The following ARHGAP45 variants were observed in gnomAD, a reference collection of about 807,000 sequenced individuals.
ARHGAP45 encodes the protein rho GTPase-activating protein 45.
ARHGAP45 carries 56 observed loss-of-function variants against 116.1 expected under a neutral mutation model. The ratio of observed to expected loss-of-function variants is 0.48; its 90% CI spans 0.39 to 0.60. ARHGAP45 has a LOEUF of 0.60. Ranked by LOEUF, ARHGAP45 falls within the 20% of genes least tolerant of loss-of-function variation. The pLI, the probability that ARHGAP45 is intolerant of heterozygous loss-of-function variation, is 0.00. For missense variants in ARHGAP45, 1,622 were observed against 1,601.0 expected, an observed-to-expected ratio of 1.01 and a Z score of -0.22; for synonymous variants, 866 against 701.7, an observed-to-expected ratio of 1.23 and a Z score of -3.70.
chr19:1,074,050 G>T, intron 6 of ARHGAP45, 36 bp downstream of exon 6: 1 of 1,603,746 alleles, frequency 6.2e-7, no homozygotes. Context: ...GGCATTTGAG[G>T]GGTGGGCCAT....
At chr19:1,066,848 G>A (rs1056371394), upstream of ARHGAP45, among the ~76,000 whole-genome samples, 2 of 152,002 alleles carry the variant, frequency 1.3e-5, no homozygotes, top group African/African-American at 4.8e-5. Context: ...TTGCCTTCAG[G>A]GAAAAGGGGG....
chr19:1,073,901 C>A (rs767990417), intron 5 of ARHGAP45, 47 bp from the exon 6 acceptor site: 67 of 1,530,530 alleles, frequency 4.4e-5, no homozygotes, highest in Non-Finnish European at 5.2e-5. Context: ...TGGGCACTGC[C>A]CAGGGCCCCG....
chr19:1,074,199 A>G lies in ARHGAP45; in HGVS notation c.886A>G (p.Met296Val). 6.2e-7 allele frequency: 1 copy of G among 1,613,432 alleles called. No individual in the cohort carries two copies. Among genetic ancestry groups the G allele is most frequent in the South Asian group, 1.1e-5 (1 of 91,088 alleles). ...GTATGCCAAGAACATGGCCAAGTAC[A>G]TGAAGGACCTCATCAGCTACCTGGA... ...LLYAKNMAKY[M>V]KDLISYLEKR... The change falls in exon 7 of 23, where the codon ATG becomes GTG. Residue 296 changes from methionine (M) to valine (V), a missense_variant. Coordinates refer to ENST00000313093, the MANE Select transcript of ARHGAP45 (RefSeq NM_012292.5).
In ARHGAP45 at chr19:1,078,872, A is replaced by G. The variant is rs899280047; in HGVS notation, c.1374+827A>G. Among the ~76,000 whole-genome samples the G allele has an allele frequency of 4.8e-4, 73 of 150,856 alleles. 1 individual carries two copies. Among genetic ancestry groups the G allele is most frequent in the Non-Finnish European group, 9.0e-4 (61 of 67,750 alleles). ...GCTGGGACCACAGGCGTGTGCCGCC[A>G]CACCCAGCTAATTTAAAAAAATTCT... On this transcript the variant is annotated intron_variant, in intron 11 of 22. Coordinates refer to ENST00000313093, the MANE Select transcript of ARHGAP45 (RefSeq NM_012292.5).
rs199502722 is a variant in ARHGAP45, at chr19:1,074,436, G to A, written c.993+29G>A. ...GGGGCCCCGCGGGCACGGGGCGGGG[G>A]TCCCTGGGCCCGGGTGTGAGTCTCA... On this transcript the variant is annotated intron_variant, in intron 8 of 22. Coordinates refer to ENST00000313093, the MANE Select transcript of ARHGAP45 (RefSeq NM_012292.5). The A allele has an allele frequency of 2.7e-6, 4 of 1,492,692 alleles. No individual in the cohort carries two copies. In the East Asian group the frequency reaches 9.7e-5, roughly 36 times the overall value. 92.5% of individuals were successfully genotyped at this position (1,492,692 alleles called of 1,614,324 possible). A position where few individuals can be genotyped will look rare whatever the true frequency, so the allele number is the denominator to read the frequency against.
In ARHGAP45 at chr19:1,068,221, T is replaced by G. The variant is rs1318757276; in HGVS notation, c.91-193T>G. ...GGCAAGGACCGTTGTTTGTGAAAGC[T>G]CTAGGGAAGAGGATGTTGGGTAACA... On this transcript the variant is annotated intron_variant, in intron 1 of 22. Transcript: ENST00000313093. This position sits in a 1 kb window ranked among gnomAD's most constrained non-coding sequence, Gnocchi z 7.5. 11 of 578,350 alleles carry G rather than the reference T, an allele frequency of 1.9e-5. No homozygotes were observed. The highest frequency in any genetic ancestry group is 2.7e-5 in the Non-Finnish European group (9 of 336,230). 35.8% of individuals were successfully genotyped at this position (578,350 alleles called of 1,614,324 possible).
intron 7 of ARHGAP45, 29 bp downstream of exon 7, chr19:1,074,270 T>C: frequency 6.2e-7 from 1 of 1,612,002 alleles, no homozygotes; most frequent in Non-Finnish European, 8.5e-7. Context: ...GCAGGGTGGG[T>C]CTGGAGGGAG....
Position 1,086,123 on chromosome 19 carries a change from C to A in ARHGAP45, c.*117C>A. ...GCCGTCCTGGGGTCGCTGCCGAGAG[C>A]GCCTGGACTTCGACGTCCCACCAGC... On this transcript the variant is annotated 3_prime_UTR_variant, in exon 23 of 23. Transcript: ENST00000313093. 1 of 956,466 alleles carries A rather than the reference C, an allele frequency of 1.0e-6. No homozygotes were observed. The highest frequency in any genetic ancestry group is 1.5e-6 in the Non-Finnish European group (1 of 648,856). 59.2% of individuals were successfully genotyped at this position (956,466 alleles called of 1,614,324 possible).
chr19:1,082,107 G>A lies in ARHGAP45; in HGVS notation c.2517+146G>A. 2.4e-6 allele frequency: 2 copies of A among 831,364 alleles called. 1 individual carries two copies. 51.5% of individuals were successfully genotyped at this position (831,364 alleles called of 1,614,324 possible). A position where few individuals can be genotyped will look rare whatever the true frequency, so the allele number is the denominator to read the frequency against. Reference sequence around the variant, plus strand: ...GGGCCTGGGGAGGACAGGGTGGGCGGGACAGTGCCTGGCAGGGCAGGGCTG... The same window carrying A: ...GGGCCTGGGGAGGACAGGGTGGGCGAGACAGTGCCTGGCAGGGCAGGGCTG... On this transcript the variant is annotated intron_variant, in intron 19 of 22. Transcript: ENST00000313093.
In ARHGAP45 at chr19:1,081,586, C is replaced by G; in HGVS notation, c.2227C>G (p.Leu743Val). 3 of 1,509,096 alleles carry G rather than the reference C, an allele frequency of 2.0e-6. No individual in the cohort carries two copies. The highest frequency in any genetic ancestry group is 2.7e-6 in the Non-Finnish European group (3 of 1,127,042). 93.5% of individuals were successfully genotyped at this position (1,509,096 alleles called of 1,614,324 possible). The part of the protein sequence containing the change: ...LACHKKCLET[L>V]AIQCGHKKLQ... Reference sequence around the variant, plus strand: ...CTGCCACAAGAAATGTCTGGAGACGCTGGCCATACAGTGCGGGCACAAGAA... The same window carrying G: ...CTGCCACAAGAAATGTCTGGAGACGGTGGCCATACAGTGCGGGCACAAGAA... The change falls in exon 18 of 23, where the codon CTG becomes GTG. Residue 743 changes from leucine to valine, a missense_variant. By Grantham distance (32) the Leu-to-Val change is conservative. Around this residue, in one of 3 missense-constraint regions of ARHGAP45, gnomAD observed 1,334 missense variants for 1,263.8 expected, o/e 1.06. Transcript: ENST00000313093.
Position 1,067,483 on chromosome 19 carries a change from G to T in ARHGAP45, c.78G>T (p.Pro26=). ...SKKNRAGSPS[P]QPSGELPRKD... ...AGAACCGCGCGGGAAGCCCCAGCCC[G>T]CAGCCCTCGGGGGTGAGTGGAGCCC... Residue 26 remains proline, a synonymous_variant, in exon 1 of 23, where the codon CCG becomes CCT. Coordinates refer to ENST00000313093, the MANE Select transcript of ARHGAP45 (RefSeq NM_012292.5). 6.2e-7 allele frequency: 1 copy of T among 1,601,336 alleles called. No homozygotes were observed. The highest frequency in any genetic ancestry group is 8.5e-7 in the Non-Finnish European group (1 of 1,174,894).
chr19:1,071,923 G>C lies in ARHGAP45; in HGVS notation c.422-1226G>C, dbSNP rs1185693066. 6.6e-6 allele frequency among the ~76,000 whole-genome samples: 1 copy of C among 152,112 alleles called. No homozygotes were observed. The highest frequency in any genetic ancestry group is 2.4e-5 in the African/African-American group (1 of 41,408). ...CCTCCCGCTGGCCTCTGTCCTCCCGGGTACCTTTCCCCTCCTACGAATTCC... is the reference window on the plus strand; with the variant it reads ...CCTCCCGCTGGCCTCTGTCCTCCCGCGTACCTTTCCCCTCCTACGAATTCC... On this transcript the variant is annotated intron_variant, in intron 2 of 22. Coordinates refer to ENST00000313093, the MANE Select transcript of ARHGAP45 (RefSeq NM_012292.5). The surrounding 1 kb of genome is among the most constrained non-coding windows in gnomAD (Gnocchi z 4.6).
At position 1,085,726 on chromosome 19, in the gene ARHGAP45, CGG is replaced by C. The variant is rs1568491052; in HGVS notation, c.3132_3133del (p.Glu1045GlyfsTer30). 1 of 1,610,676 alleles carries C rather than the reference CGG, an allele frequency of 6.2e-7. No individual in the cohort carries two copies. Among genetic ancestry groups the C allele is most frequent in the South Asian group, 1.1e-5 (1 of 90,860 alleles). On this transcript the variant is annotated frameshift_variant, in exon 23 of 23. Transcript: ENST00000313093. LOFTEE classifies it low-confidence loss of function (END_TRUNC). ...GAGGCCTCCGAGCTGCTGTCCTCAT[CGG>C]AGGCCAGTGCCCTGGGCCACCTCAG...
chr19:1,069,552 A>G lies in ARHGAP45; in HGVS notation c.421+808A>G, dbSNP rs1599749844. ...GACCCCTGGCTCACCCAGCCAGGGC[A>G]GGGCAGAGCCAGGACTGGACCTCAA... On this transcript the variant is annotated intron_variant, in intron 2 of 22. Coordinates refer to ENST00000313093, the MANE Select transcript of ARHGAP45 (RefSeq NM_012292.5). This position sits in a 1 kb window ranked among gnomAD's most constrained non-coding sequence, Gnocchi z 4.1. Among the ~76,000 whole-genome samples, 1 of 152,074 alleles carries G rather than the reference A, an allele frequency of 6.6e-6. No individual in the cohort carries two copies. Among genetic ancestry groups the G allele is most frequent in the African/African-American group, 2.4e-5 (1 of 41,416 alleles).
rs761719899 is a variant in ARHGAP45 at position 1,067,566 on chromosome 19, G to C, written c.90+71G>C. ...GGGGACAGGGACCCGCCCTGTGCTC[G>C]GGGCTCATGCTGGGGCGGCGGCTGG... On this transcript the variant is annotated intron_variant, in intron 1 of 22. Coordinates refer to ENST00000313093, the MANE Select transcript of ARHGAP45 (RefSeq NM_012292.5). 4.3e-6 allele frequency: 6 copies of C among 1,406,246 alleles called. No individual in the cohort carries two copies. The East Asian group carries it at 1.2e-4, about 29-fold the overall frequency. The allele number at this position is 1,406,246 out of a possible 1,614,324, so 87.1% of individuals were successfully genotyped here. A position where few individuals can be genotyped will look rare whatever the true frequency, so the allele number is the denominator to read the frequency against.
intron 10 of ARHGAP45, 55 bp from the exon 11 acceptor site, chr19:1,077,802 T>C (rs1239282155): frequency 4.5e-6 from 7 of 1,550,296 alleles, no homozygotes; most frequent in Middle Eastern, 1.7e-4. Flanking sequence ...CTGGGGAGAC[T>C]GAGTCCCATC....
In ARHGAP45 at chr19:1,070,486, G is replaced by A. The variant is rs1291218386; in HGVS notation, c.421+1742G>A. 1.4e-4 allele frequency among the ~76,000 whole-genome samples: 21 copies of A among 147,682 alleles called. 1 individual carries two copies. In the East Asian group the frequency reaches 3.9e-3, roughly 28 times the overall value. On this transcript the variant is annotated intron_variant, in intron 2 of 22. Transcript: ENST00000313093. The stretch of plus-strand genomic sequence containing the variant: ...GCTGGGATTGCAGGGGCGCGCCACC[G>A]TGCCCGGCTAATTTTTTTTCTTTCT...
chr19:1,067,832 T>C (rs2043067635), intron 1 of ARHGAP45, among the ~76,000 whole-genome samples: 1 of 151,280 alleles, frequency 6.6e-6, no homozygotes, highest in South Asian at 2.1e-4. Flanking sequence ...TAGGGGCCGT[T>C]GAGATGGGAG....
rs200436029 is a variant in ARHGAP45, at chr19:1,074,231, G to A, written c.918G>A (p.Arg306=). The change falls in exon 7 of 23, where the codon CGG becomes CGA. Residue 306 remains arginine (R), a synonymous_variant. Transcript: ENST00000313093. The part of the protein sequence containing the change: ...MKDLISYLEK[R]TTLEMEFAKG... ...ACCTCATCAGCTACCTGGAGAAGCGGACGACGCTGGGTGAGAGCTGGTGTC... is the reference window on the plus strand; with the variant it reads ...ACCTCATCAGCTACCTGGAGAAGCGAACGACGCTGGGTGAGAGCTGGTGTC... 187 of 1,613,026 alleles carry A rather than the reference G, an allele frequency of 1.2e-4. No individual in the cohort carries two copies. The highest frequency in any genetic ancestry group is 3.2e-4 in the South Asian group (29 of 91,062).
Sources: gnomAD v4.1 joint callset for allele counts (sites outside exome capture counted in the v4.1 genomes callset) on GRCh38, gnomAD v4.1.1 for gene constraint, gnomAD v4.1.1 regional missense constraint, Gnocchi (gnomAD v3.1) non-coding constraint, MANE v1.5 for transcripts, NCBI Gene and HGNC (gene_info 2026-07-23, HGNC 2026-07-21) for gene names.